The following NREP variants were observed in gnomAD, a reference collection of about 807,000 sequenced individuals.
The protein encoded by NREP is neuronal regeneration-related protein.
In NREP, 5 loss-of-function variants were observed where a neutral mutation model predicts 8.6. The observed-to-expected ratio is 0.58, with a 90% CI of 0.30 to 1.22. The LOEUF (loss-of-function observed/expected upper bound fraction) is 1.22, where lower values mean the gene tolerates loss of function less well. NREP is among the 50% of genes most tolerant of loss of function. The pLI, the probability that NREP is intolerant of heterozygous loss-of-function variation, is 0.07. For synonymous variants in NREP, 27 were observed against 28.0 expected, an observed-to-expected ratio of 0.96 and a Z score of 0.11; for missense variants, 86 against 82.5, an observed-to-expected ratio of 1.04 and a Z score of -0.17.
intron 2 of NREP, among the ~76,000 whole-genome samples, chr5:111,904,765 C>A (rs28575609): frequency 0.13 from 19,710 of 152,010 alleles, 1,706 homozygotes; most frequent in African/African-American, 0.24. Context: ...CAGGAACCCA[C>A]CAAGGAGAAC....
chr5:111,964,855 CAAAAAAAAAAAAAAAAA>C (rs58877839), intron 2 of NREP, among the ~76,000 whole-genome samples: 115 of 44,874 alleles, frequency 2.6e-3, no homozygotes, highest in African/African-American at 6.1e-3. Context: ...CTTTCAGCAG[CAAAAAAAAAAAAAAAAA>C]AAAAAAAAAA....
At chr5:111,813,846 G>A (rs1752322860) in intron 2 of NREP, among the ~76,000 whole-genome samples, 1 of 151,986 alleles carries the variant, frequency 6.6e-6, no homozygotes, top group Non-Finnish European at 1.5e-5. Flanking sequence ...ACATAAGCAT[G>A]GAAAGTGCTA....
chr5:111,948,830 G>A (rs922225864), intron 2 of NREP: 1 of 151,938 alleles, frequency 6.6e-6, no homozygotes, highest in Non-Finnish European at 1.5e-5. Flanking sequence ...CATGTATAAG[G>A]CATTTCCAAT....
rs940390544 is a variant in NREP at position 111,818,714 on chromosome 5, T to C, written c.136-83207A>G. ...TACCAAAGAAACACTCTCATGCATA[T>C]GCATGTGTAAAGTAATGTAGTGTAC... On this transcript the variant is annotated intron_variant, in intron 2 of 3. Transcript: ENST00000395634. 3.3e-5 allele frequency among the ~76,000 whole-genome samples: 5 copies of C among 152,224 alleles called. 1 individual carries two copies. In the South Asian group the frequency reaches 1.0e-3, roughly 31 times the overall value.
intron 2 of NREP, among the ~76,000 whole-genome samples, chr5:111,904,261 T>C (rs1754721644): frequency 6.6e-6 from 1 of 152,150 alleles, no homozygotes; most frequent in Non-Finnish European, 1.5e-5. Flanking sequence ...TTTAACACTG[T>C]TTGATGTGTT....
chr5:111,832,222 C>G (rs1166119095), intron 2 of NREP, among the ~76,000 whole-genome samples: 6 of 152,048 alleles, frequency 3.9e-5, no homozygotes, highest in African/African-American at 1.2e-4. Context: ...CTATGTCTTT[C>G]AAAACCACCC....
intron 2 of NREP, among the ~76,000 whole-genome samples, chr5:111,806,784 C>T (rs552334411): frequency 3.1e-4 from 47 of 152,182 alleles, no homozygotes; most frequent in Non-Finnish European, 5.3e-4. Flanking sequence ...GGCCTTGTCT[C>T]GGAAATGAAC....
intron 2 of NREP, among the ~76,000 whole-genome samples, chr5:111,902,108 C>T (rs958445709): frequency 2.0e-5 from 3 of 151,910 alleles, no homozygotes; most frequent in Admixed American, 2.0e-4. Context: ...AGTCACAGAC[C>T]AATGGAACAT....
intron 3 of NREP, 68 bp downstream of exon 3, chr5:111,735,362 C>T (rs1193363476): frequency 2.7e-6 from 3 of 1,106,600 alleles, no homozygotes; most frequent in East Asian, 4.7e-5. Context: ...TGAAAAAGCT[C>T]TGATATTTTA....
intron 2 of NREP, among the ~76,000 whole-genome samples, chr5:111,963,212 C>T (rs542521375): frequency 6.6e-6 from 1 of 152,366 alleles, no homozygotes; most frequent in South Asian, 2.1e-4. Context: ...GGAGCCTGCT[C>T]CTGCCAGCGC....
At chr5:111,746,831 C>A (rs1193786010) in intron 2 of NREP, among the ~76,000 whole-genome samples, 2 of 152,168 alleles carry the variant, frequency 1.3e-5, no homozygotes, top group Non-Finnish European at 2.9e-5. Flanking sequence ...AATTCTAATT[C>A]TGTTAACAAC....
At chr5:111,935,652 T>G (rs2112606701) in intron 2 of NREP, among the ~76,000 whole-genome samples, 1 of 152,220 alleles carries the variant, frequency 6.6e-6, no homozygotes, top group East Asian at 1.9e-4. Context: ...GCATAACTGG[T>G]TTGGGATAAG....
intron 2 of NREP, among the ~76,000 whole-genome samples, chr5:111,878,709 T>A (rs1042892135): frequency 3.3e-5 from 5 of 152,136 alleles, no homozygotes; most frequent in Admixed American, 2.0e-4. Context: ...GTGAAAATGG[T>A]AAGAGGTCGA....
At chr5:111,958,781 G>C (rs996476597) in intron 2 of NREP, among the ~76,000 whole-genome samples, 12 of 151,822 alleles carry the variant, frequency 7.9e-5, no homozygotes, top group African/African-American at 2.9e-4. Flanking sequence ...CAAAAACACA[G>C]ACAAGCTGAT....
intron 2 of NREP, among the ~76,000 whole-genome samples, chr5:111,820,112 T>C (rs1462588762): frequency 8.7e-6 from 1 of 115,530 alleles, no homozygotes; most frequent in Admixed American, 8.5e-5. Context: ...GCTAAGTCCG[T>C]AGAGAGAGAA....
intron 2 of NREP, among the ~76,000 whole-genome samples, chr5:111,788,802 A>G (rs1751673460): frequency 1.3e-5 from 2 of 152,334 alleles, no homozygotes; most frequent in South Asian, 2.1e-4. Context: ...ATGTTTTTGT[A>G]TGAGATTAGC....
chr5:111,972,127 A>G (rs1273506230), intron 2 of NREP, among the ~76,000 whole-genome samples: 1 of 152,162 alleles, frequency 6.6e-6, no homozygotes, highest in Non-Finnish European at 1.5e-5. Flanking sequence ...CAGCAGGCAT[A>G]TAAAAAATGA....
At position 111,809,860 on chromosome 5, in the gene NREP, G is replaced by A. The variant is rs1205831965; in HGVS notation, c.136-74353C>T. Among the ~76,000 whole-genome samples, 4 of 147,528 alleles carry A rather than the reference G, an allele frequency of 2.7e-5. 1 individual carries two copies. In the South Asian group the frequency reaches 6.6e-4, roughly 24 times the overall value. Reference sequence around the variant, plus strand: ...TATAAATTTTACCACCTCATTGACTGGGACTTTGGCGTGTGTGTGTGTGTG... The same window carrying A: ...TATAAATTTTACCACCTCATTGACTAGGACTTTGGCGTGTGTGTGTGTGTG... On this transcript the variant is annotated intron_variant, in intron 2 of 3. Transcript: ENST00000395634.
intron 2 of NREP, among the ~76,000 whole-genome samples, chr5:111,806,254 C>T (rs1294042332): frequency 6.6e-6 from 1 of 152,048 alleles, no homozygotes; most frequent in Non-Finnish European, 1.5e-5. Context: ...ATACATACAC[C>T]CAACTATCCC....
Sources: allele counts gnomAD v4.1 joint callset (sites outside exome capture counted in the v4.1 genomes callset), GRCh38; gene constraint gnomAD v4.1.1; transcripts MANE v1.5; gene names NCBI Gene and HGNC (gene_info 2026-07-23, HGNC 2026-07-21).